Variants in KCNQ3 observed in about 807,000 individuals in gnomAD.
KCNQ3 encodes potassium voltage-gated channel subfamily KQT member 3.
Under a neutral mutation model 92.5 loss-of-function variants are expected in KCNQ3, and 30 were observed. The ratio of observed to expected loss-of-function variants is 0.32; its 90% CI spans 0.24 to 0.44. KCNQ3 has a LOEUF of 0.44. Among genes scored for constraint, KCNQ3 ranks in the 20% least tolerant of loss-of-function variants. The probability of loss-of-function intolerance (pLI) is 1.00; values close to 1 mark genes in which losing one functional copy is unlikely to be tolerated. For missense variants in KCNQ3, 913 were observed against 1,140.3 expected (o/e 0.80, Z 2.87); for synonymous variants, 450 against 468.8 (o/e 0.96, Z 0.52).
At chr8:132,187,275 A>G (rs982560210) in intron 1 of KCNQ3, 6 of 455,966 alleles carry the variant, frequency 1.3e-5, no homozygotes, top group Middle Eastern at 6.5e-4. Context: ...CTGGAATTCA[A>G]TGATGAATAG....
chr8:132,398,488 T>C (rs1397121776), intron 1 of KCNQ3, among the ~76,000 whole-genome samples: 1 of 152,248 alleles, frequency 6.6e-6, no homozygotes, highest in Non-Finnish European at 1.5e-5. Flanking sequence ...CTCTATGTAC[T>C]TTGTTCTGCC....
At position 132,467,029 on chromosome 8, in the gene KCNQ3, T is replaced by C. The variant is rs1378422967; in HGVS notation, c.386+13118A>G. Among the ~76,000 whole-genome samples the C allele has an allele frequency of 2.6e-5, 4 of 152,202 alleles. No individual in the cohort carries two copies. In the South Asian group the frequency reaches 6.2e-4, roughly 24 times the overall value. Reference sequence around the variant, plus strand: ...TGCCAGCACTCATCCCCACACTCTGTTGGCCACAGTCCAGTCCTCCGTTGC... The same window carrying C: ...TGCCAGCACTCATCCCCACACTCTGCTGGCCACAGTCCAGTCCTCCGTTGC... On this transcript the variant is annotated intron_variant, in intron 1 of 14. Transcript: ENST00000388996.
chr8:132,254,758 A>G (rs183200500), intron 1 of KCNQ3, among the ~76,000 whole-genome samples: 5 of 152,328 alleles, frequency 3.3e-5, no homozygotes, highest in East Asian at 1.9e-4. Context: ...ATGTGCATTC[A>G]GTCTCAGCTA....
chr8:132,188,653 T>G (rs930059754), intron 1 of KCNQ3, among the ~76,000 whole-genome samples: 1 of 152,242 alleles, frequency 6.6e-6, no homozygotes, highest in Non-Finnish European at 1.5e-5. Flanking sequence ...ATTTATTTGG[T>G]GCCTCTTTTG....
At chr8:132,164,740 G>GAGA (rs748824488) in intron 8 of KCNQ3, among the ~76,000 whole-genome samples, 53 of 152,182 alleles carry the variant, frequency 3.5e-4, no homozygotes, top group Non-Finnish European at 6.2e-4. Context: ...CATATTGGAA[G>GAGA]AGAAGGCATG....
intron 1 of KCNQ3, among the ~76,000 whole-genome samples, chr8:132,460,134 C>G (rs1006180649): frequency 1.3e-5 from 2 of 152,070 alleles, no homozygotes; most frequent in African/African-American, 4.8e-5. Context: ...CTGCCCCATC[C>G]TAGAATCAGC....
intron 14 of KCNQ3, among the ~76,000 whole-genome samples, chr8:132,131,127 A>G (rs1345791238): frequency 6.6e-6 from 1 of 152,246 alleles, no homozygotes; most frequent in African/African-American, 2.4e-5. Context: ...CACAGGCAAG[A>G]GAACAGACAC....
At chr8:132,318,085 A>C (rs1817792873) in intron 1 of KCNQ3, among the ~76,000 whole-genome samples, 1 of 152,184 alleles carries the variant, frequency 6.6e-6, no homozygotes, top group South Asian at 2.1e-4. Context: ...TATGGGGTAC[A>C]TGGAGATTTA....
intron 1 of KCNQ3, among the ~76,000 whole-genome samples, chr8:132,465,498 G>A (rs1459764995): frequency 2.6e-5 from 4 of 152,078 alleles, no homozygotes; most frequent in Admixed American, 2.0e-4. Flanking sequence ...AGGCGGAGGC[G>A]GGAGGATCAT....
intron 6 of KCNQ3, among the ~76,000 whole-genome samples, chr8:132,172,952 C>T (rs1826429609): frequency 6.6e-6 from 1 of 152,200 alleles, no homozygotes; most frequent in Non-Finnish European, 1.5e-5. Flanking sequence ...GGTGTGAGGG[C>T]CTGGGCAAGC....
intron 1 of KCNQ3, among the ~76,000 whole-genome samples, chr8:132,353,763 G>A (rs1423430557): frequency 1.3e-5 from 2 of 152,102 alleles, no homozygotes; most frequent in Non-Finnish European, 2.9e-5. Context: ...GCAGTGAGCC[G>A]AGATCATGCC....
rs7819259 is a variant in KCNQ3 at position 132,132,078 on chromosome 8, C to A, written c.1884+102G>T. ...ACTCCAGCCTGGGCAACAGAGTGAA[C>A]CTTCGTCTTAAAAAAAAAAAAGAAA... On this transcript the variant is annotated intron_variant, in intron 14 of 14. Coordinates refer to ENST00000388996, the MANE Select transcript of KCNQ3 (RefSeq NM_004519.4). 0.072 allele frequency: 60,088 copies of A among 832,040 alleles called. 4,368 individuals carry two copies. Among genetic ancestry groups the A allele is most frequent in the African/African-American group, 0.25 (14,501 of 57,598 alleles). The allele number at this position is 832,040 out of a possible 1,614,324, so 51.5% of individuals were successfully genotyped here.
intron 1 of KCNQ3, among the ~76,000 whole-genome samples, chr8:132,279,510 T>A (rs1816446055): frequency 6.6e-6 from 1 of 152,124 alleles, no homozygotes; most frequent in African/African-American, 2.4e-5. Context: ...AAGACAAGAT[T>A]TCGAATGTTT....
In KCNQ3 at chr8:132,406,576, CAG is replaced by C. The variant is rs1363021247; in HGVS notation, c.386+73569_386+73570del. ...ACACTCACACACAGACACACACACACAGAAAGACACAGGCACACACTCAGCAC... is the reference window on the plus strand; with the variant it reads ...ACACTCACACACAGACACACACACACAAAGACACAGGCACACACTCAGCAC... On this transcript the variant is annotated intron_variant, in intron 1 of 14. Coordinates refer to ENST00000388996, the MANE Select transcript of KCNQ3 (RefSeq NM_004519.4). Among the ~76,000 whole-genome samples, 21 of 151,912 alleles carry C rather than the reference CAG, an allele frequency of 1.4e-4. No individual in the cohort carries two copies. In the East Asian group the frequency reaches 3.1e-3, roughly 22 times the overall value.
chr8:132,271,849 G>A (rs756630509), intron 1 of KCNQ3, among the ~76,000 whole-genome samples: 2 of 152,170 alleles, frequency 1.3e-5, no homozygotes, highest in African/African-American at 2.4e-5. Flanking sequence ...GCCCTGTGAC[G>A]TCTGCTGTCA....
chr8:132,443,553 T>TCCC (rs1407077983), intron 1 of KCNQ3, among the ~76,000 whole-genome samples: 1 of 151,590 alleles, frequency 6.6e-6, no homozygotes, highest in Non-Finnish European at 1.5e-5. Flanking sequence ...AAATCCATCA[T>TCCC]CCCCCACTAC....
In KCNQ3 at chr8:132,391,085, C is replaced by A. The variant is rs577927071; in HGVS notation, c.386+89062G>T. Among the ~76,000 whole-genome samples, 12 of 152,272 alleles carry A rather than the reference C, an allele frequency of 7.9e-5. No homozygotes were observed. In the South Asian group the frequency reaches 2.5e-3, roughly 32 times the overall value. On this transcript the variant is annotated intron_variant, in intron 1 of 14. Coordinates refer to ENST00000388996, the MANE Select transcript of KCNQ3 (RefSeq NM_004519.4). ...TGGATATTACCACTTGGAATACCCC[C>A]ACTAGTTTTTAGTTTTGTAAATTCT...
rs565802395 is a variant in KCNQ3 at position 132,309,658 on chromosome 8, T to A, written c.387-123477A>T. ...ACACTAGAAATCCCCTCACCACATG[T>A]CAGCTAAAAGAATGAACTAGTAACT... On this transcript the variant is annotated intron_variant, in intron 1 of 14. Coordinates refer to ENST00000388996, the MANE Select transcript of KCNQ3 (RefSeq NM_004519.4). Among the ~76,000 whole-genome samples the A allele has an allele frequency of 1.6e-3, 245 of 152,218 alleles. 3 individuals are homozygous for A. Among genetic ancestry groups the A allele is most frequent in the Non-Finnish European group, 2.3e-3 (155 of 68,004 alleles).
At chr8:132,319,714 C>G (rs554350639) in intron 1 of KCNQ3, among the ~76,000 whole-genome samples, 19 of 152,304 alleles carry the variant, frequency 1.2e-4, no homozygotes, top group Admixed American at 7.8e-4. Flanking sequence ...TGCTCCCCCG[C>G]CCATCTATAA....
Sources: allele counts gnomAD v4.1 joint callset (sites outside exome capture counted in the v4.1 genomes callset), GRCh38; gene constraint gnomAD v4.1.1; transcripts MANE v1.5; gene names NCBI Gene and HGNC (gene_info 2026-07-23, HGNC 2026-07-21).